The following STK4 variants were observed in gnomAD, a reference collection of about 807,000 sequenced individuals.
STK4 encodes serine/threonine-protein kinase 4.
STK4 carries 30 observed loss-of-function variants against 64.9 expected under a neutral mutation model. The observed-to-expected ratio is 0.46, with a 90% CI of 0.35 to 0.63. The LOEUF (loss-of-function observed/expected upper bound fraction) is 0.63. Among genes scored for constraint, STK4 ranks in the 20% least tolerant of loss-of-function variants. The pLI is 0.01. For missense variants in STK4, 466 were observed against 598.5 expected (o/e 0.78, Z 2.31); for synonymous variants, 177 against 199.0 (o/e 0.89, Z 0.93).
At chr20:45,001,952 G>A (rs975419154) in intron 9 of STK4, among the ~76,000 whole-genome samples, 5 of 152,122 alleles carry the variant, frequency 3.3e-5, no homozygotes, top group African/African-American at 4.8e-5. Context: ...TTCAGTGCTC[G>A]TGGTGCTTTA....
intron 5 of STK4, among the ~76,000 whole-genome samples, chr20:44,988,515 GTA>G (rs2067571426): frequency 8.2e-6 from 1 of 122,602 alleles, no homozygotes; most frequent in Admixed American, 8.8e-5. Flanking sequence ...ATGTGTGTGT[GTA>G]TATATATGTG....
chr20:45,057,443 G>A (rs889995181), intron 10 of STK4, among the ~76,000 whole-genome samples: 1 of 152,148 alleles, frequency 6.6e-6, no homozygotes, highest in African/African-American at 2.4e-5. Flanking sequence ...CCTTCATGAG[G>A]GGAAAAGAGT....
At chr20:44,993,737 G>A (rs1182273679) in intron 5 of STK4, among the ~76,000 whole-genome samples, 1 of 152,132 alleles carries the variant, frequency 6.6e-6, no homozygotes, top group African/African-American at 2.4e-5. Flanking sequence ...CCAGCACTTC[G>A]GGAGGCCGAG....
At chr20:45,055,906 T>C (rs1201059136) in intron 10 of STK4, among the ~76,000 whole-genome samples, 1 of 152,098 alleles carries the variant, frequency 6.6e-6, no homozygotes, top group Non-Finnish European at 1.5e-5. Flanking sequence ...CTAATTTTTG[T>C]ATTTTTAGGA....
At chr20:45,064,109 AG>A (rs369628862) in intron 10 of STK4, among the ~76,000 whole-genome samples, 18 of 150,552 alleles carry the variant, frequency 1.2e-4, no homozygotes, top group East Asian at 3.9e-4. Context: ...CGCCCGGCCA[AG>A]GGGGGGGGTC....
At chr20:44,977,494 T>TA (rs1403714975) in intron 2 of STK4, among the ~76,000 whole-genome samples, 1 of 152,198 alleles carries the variant, frequency 6.6e-6, no homozygotes, top group Admixed American at 6.5e-5. Context: ...ATGAAAATGT[T>TA]ATCTGTATAA....
chr20:45,066,724 G>A (rs1979609480), intron 10 of STK4, among the ~76,000 whole-genome samples: 2 of 152,306 alleles, frequency 1.3e-5, no homozygotes, highest in East Asian at 1.9e-4. Context: ...TTAACTCGTC[G>A]TGGTTTTGCT....
rs1447461468 is a variant in STK4 at position 45,079,022 on chromosome 20, C to T, written c.*3846C>T. ...AAGAAATAGATACCAGCCTGAGCAA[C>T]ATGGCAAAATCCCATCTCTACAAAA... On this transcript the variant is annotated 3_prime_UTR_variant, in exon 11 of 11. Transcript: ENST00000372806. 6.6e-6 allele frequency: 1 copy of T among 151,104 alleles called. No individual in the cohort carries two copies. The highest frequency in any genetic ancestry group is 1.5e-5 in the Non-Finnish European group (1 of 67,888). The allele number at this position is 151,104 out of a possible 1,614,324, so 9.4% of individuals were successfully genotyped here.
At chr20:44,997,047 C>A in intron 6 of STK4, 122 bp from the exon 7 acceptor site, 1 of 1,398,144 alleles carries the variant, frequency 7.2e-7, no homozygotes, top group Non-Finnish European at 9.8e-7. Flanking sequence ...TTTGGGTGAG[C>A]TTCTCAGTGG....
chr20:45,026,915 A>G (rs1006378063), intron 10 of STK4, among the ~76,000 whole-genome samples: 1 of 152,182 alleles, frequency 6.6e-6, no homozygotes, highest in Non-Finnish European at 1.5e-5. Flanking sequence ...TAATCATAGT[A>G]GACTTACGAA....
chr20:45,023,125 A>C (rs948039077), intron 9 of STK4, among the ~76,000 whole-genome samples: 10 of 152,142 alleles, frequency 6.6e-5, no homozygotes. Flanking sequence ...GCTGGAGTGC[A>C]GTTGCATGAT....
intron 2 of STK4, 54 bp downstream of exon 2, chr20:44,972,212 C>T (rs888084434): frequency 2.0e-5 from 29 of 1,480,966 alleles, no homozygotes; most frequent in Non-Finnish European, 2.7e-5. Context: ...TTTTCCTGCC[C>T]CAGAAGAAGC....
intron 10 of STK4, among the ~76,000 whole-genome samples, chr20:45,058,777 G>A (rs1182305940): frequency 6.6e-6 from 1 of 152,048 alleles, no homozygotes; most frequent in Non-Finnish European, 1.5e-5. Flanking sequence ...TGGTGTTTTA[G>A]GTTTTCATAC....
intron 2 of STK4, chr20:44,975,494 T>C: frequency 2.1e-6 from 1 of 465,324 alleles, no homozygotes; most frequent in South Asian, 9.0e-5. Flanking sequence ...GTGAAAATTA[T>C]TTTAAATATA....
intron 10 of STK4, among the ~76,000 whole-genome samples, chr20:45,037,752 T>C (rs2068550490): frequency 6.6e-6 from 1 of 152,168 alleles, no homozygotes; most frequent in Admixed American, 6.6e-5. Flanking sequence ...GAGATTTCTT[T>C]GGGTTTTTAC....
intron 10 of STK4, among the ~76,000 whole-genome samples, chr20:45,056,615 G>GT (rs1484955015): frequency 6.6e-6 from 1 of 152,150 alleles, no homozygotes. Context: ...ATTTATTTAG[G>GT]TTTTATCATT....
intron 9 of STK4, among the ~76,000 whole-genome samples, chr20:45,009,217 G>A (rs1601257112): frequency 6.6e-6 from 1 of 152,208 alleles, no homozygotes; most frequent in Non-Finnish European, 1.5e-5. Flanking sequence ...TTTATATATG[G>A]TGAAAGATAA....
chr20:44,997,187 A>G lies in STK4; in HGVS notation c.712A>G (p.Thr238Ala). ...TAACCAGGCAATCTTCATGATTCCT[A>G]CAAATCCTCCTCCCACATTCCGAAA... ...HPMRAIFMIP[T>A]NPPPTFRKPE... The change falls in exon 7 of 11, where the codon ACA becomes GCA. Residue 238 changes from threonine to alanine, a missense_variant. Thr to Ala is a moderately conservative substitution (Grantham distance 58). Around this residue, in one of 2 missense-constraint regions of STK4, gnomAD observed 276 missense variants for 308.9 expected, o/e 0.89. Coordinates refer to ENST00000372806, the MANE Select transcript of STK4 (RefSeq NM_006282.5). The G allele has an allele frequency of 6.2e-7, 1 of 1,613,994 alleles. No homozygotes were observed. Among genetic ancestry groups the G allele is most frequent in the South Asian group, 1.1e-5 (1 of 91,082 alleles).
At chr20:44,998,061 C>A (rs1017971227) in intron 7 of STK4, among the ~76,000 whole-genome samples, 1 of 152,136 alleles carries the variant, frequency 6.6e-6, no homozygotes, top group African/African-American at 2.4e-5. Flanking sequence ...CAAGTCTACC[C>A]GAGTCTGACA....
Sources: allele counts gnomAD v4.1 joint callset (sites outside exome capture counted in the v4.1 genomes callset), GRCh38; gene constraint gnomAD v4.1.1; regional missense constraint gnomAD v4.1.1; transcripts MANE v1.5; gene names NCBI Gene and HGNC (gene_info 2026-07-23, HGNC 2026-07-21).